SOX6: variants seen among roughly 807,000 people sequenced by gnomAD.
The protein encoded by SOX6 is SRY-box transcription factor 6.
SOX6 carries 11 observed loss-of-function variants against 97.8 expected under a neutral mutation model. That is an observed-to-expected ratio of 0.11 (90% CI 0.07 to 0.19). SOX6 has a LOEUF of 0.19. Among genes scored for constraint, SOX6 ranks in the 10% least tolerant of loss-of-function variants. The probability of loss-of-function intolerance (pLI) is 1.00; values close to 1 mark genes in which losing one functional copy is unlikely to be tolerated. For missense variants in SOX6, 810 were observed against 1,039.5 expected (o/e 0.78, Z 3.04); for synonymous variants, 360 against 371.4 (o/e 0.97, Z 0.35).
chr11:16,140,638 G>C (rs150369367), intron 6 of SOX6, among the ~76,000 whole-genome samples: 2 of 152,102 alleles, frequency 1.3e-5, no homozygotes, highest in Non-Finnish European at 2.9e-5. Flanking sequence ...AACTTTAAAG[G>C]TAAGCACAAA....
At chr11:16,017,480 A>T (rs16932450) in intron 12 of SOX6, among the ~76,000 whole-genome samples, 1 of 151,960 alleles carries the variant, frequency 6.6e-6, no homozygotes, top group African/African-American at 2.4e-5. Flanking sequence ...AAGCCATGCC[A>T]TTTCATATAA....
chr11:16,543,074 A>G lies in SOX6; in HGVS notation n.610-66686T>C, dbSNP rs555819611. Among the ~76,000 whole-genome samples the G allele has an allele frequency of 1.2e-4, 19 of 152,204 alleles. No individual in the cohort carries two copies. The South Asian group carries it at 2.5e-3, about 20-fold the overall frequency. ...CATGCTGCTATTAGAAAACTTAAAA[A>G]TTAATTAAGTAGTAACATTAATTGA... On this transcript the variant is annotated intron_variant and non_coding_transcript_variant, in intron 4 of 5. Transcript: ENST00000524520.
chr11:16,248,993 C>T (rs564427135), intron 3 of SOX6, among the ~76,000 whole-genome samples: 12 of 151,702 alleles, frequency 7.9e-5, no homozygotes, highest in Non-Finnish European at 1.6e-4. Context: ...CCCAGCTACT[C>T]GGGAAGCTGA....
chr11:16,336,304 C>G (rs12798854), intron 2 of SOX6, among the ~76,000 whole-genome samples: 26,148 of 152,064 alleles, frequency 0.17, 2,748 homozygotes, highest in Admixed American at 0.29. Context: ...TCACCTCGGC[C>G]CATTCTCTGG....
chr11:16,038,164 T>C (rs1855565591), intron 12 of SOX6, among the ~76,000 whole-genome samples: 1 of 152,204 alleles, frequency 6.6e-6, no homozygotes, highest in African/African-American at 2.4e-5. Context: ...GCCTAGGTTA[T>C]ATGCAAATAC....
intron 6 of SOX6, among the ~76,000 whole-genome samples, chr11:16,178,984 CAA>C (rs567293330): frequency 6.6e-6 from 1 of 151,718 alleles, no homozygotes; most frequent in East Asian, 1.9e-4. Context: ...AACATATCTC[CAA>C]TATATATCTA....
At chr11:16,124,239 T>C (rs1166043600) in intron 6 of SOX6, among the ~76,000 whole-genome samples, 4 of 152,150 alleles carry the variant, frequency 2.6e-5, no homozygotes, top group African/African-American at 7.2e-5. Context: ...TTGTAGGCAT[T>C]GGGAATACAG....
At chr11:16,599,502 A>G (rs1848245375) in intron 4 of SOX6, among the ~76,000 whole-genome samples, 1 of 152,202 alleles carries the variant, frequency 6.6e-6, no homozygotes, top group African/African-American at 2.4e-5. Flanking sequence ...AAATGGAAAG[A>G]GATAACTCTT....
intron 1 of SOX6, among the ~76,000 whole-genome samples, chr11:16,457,438 A>G (rs924675301): frequency 6.6e-5 from 10 of 152,092 alleles, no homozygotes; most frequent in African/African-American, 2.4e-4. Flanking sequence ...TCATCAGAAG[A>G]TAGAGAATGT....
intron 4 of SOX6, among the ~76,000 whole-genome samples, chr11:16,490,263 A>G (rs548284740): frequency 2.0e-5 from 3 of 152,186 alleles, no homozygotes; most frequent in South Asian, 4.1e-4. Context: ...AAGAACAGGT[A>G]GTGTGCCAGA....
intron 1 of SOX6, among the ~76,000 whole-genome samples, chr11:16,468,968 C>T (rs1860091693): frequency 6.6e-6 from 1 of 151,904 alleles, no homozygotes; most frequent in African/African-American, 2.4e-5. Context: ...TGCTTCATGA[C>T]TATCACTGAT....
chr11:16,317,246 C>A (rs1855779304), intron 3 of SOX6: 1 of 150,712 alleles, frequency 6.6e-6, no homozygotes, highest in Non-Finnish European at 1.5e-5. Flanking sequence ...TATAATATAT[C>A]AGTTATATAT....
At chr11:16,513,563 G>A (rs1860914362) in intron 4 of SOX6, among the ~76,000 whole-genome samples, 1 of 152,216 alleles carries the variant, frequency 6.6e-6, no homozygotes, top group Admixed American at 6.5e-5. Flanking sequence ...AACCCGGGAG[G>A]CGGAGGTTGC....
chr11:16,217,017 C>T (rs749155527), intron 4 of SOX6, among the ~76,000 whole-genome samples: 1 of 152,144 alleles, frequency 6.6e-6, no homozygotes, highest in Non-Finnish European at 1.5e-5. Flanking sequence ...CAAAAGAGCT[C>T]CTTTCAGTAA....
At chr11:16,518,765 T>C (rs1208776912) in intron 4 of SOX6, among the ~76,000 whole-genome samples, 5 of 152,316 alleles carry the variant, frequency 3.3e-5, no homozygotes, top group African/African-American at 1.2e-4. Context: ...CACTGGCAAC[T>C]ATTTTCAACA....
chr11:16,064,509 C>A (rs1430078653), intron 9 of SOX6, among the ~76,000 whole-genome samples: 1 of 144,882 alleles, frequency 6.9e-6, no homozygotes, highest in Admixed American at 6.8e-5. Context: ...CAAAACCAGA[C>A]AAAGCCATAC....
At chr11:16,067,342 A>G (rs1347925577) in intron 9 of SOX6, among the ~76,000 whole-genome samples, 1 of 152,088 alleles carries the variant, frequency 6.6e-6, no homozygotes, top group Non-Finnish European at 1.5e-5. Context: ...ACCCAGTGAG[A>G]GGTAATTGAA....
intron 4 of SOX6, among the ~76,000 whole-genome samples, chr11:16,516,311 T>C (rs935094060): frequency 2.0e-5 from 3 of 152,176 alleles, no homozygotes; most frequent in African/African-American, 7.2e-5. Flanking sequence ...TTTGAAGCAA[T>C]TGTGAATGGG....
intron 1 of SOX6, among the ~76,000 whole-genome samples, chr11:16,403,627 G>C (rs1234233746): frequency 6.6e-6 from 1 of 151,680 alleles, no homozygotes; most frequent in Non-Finnish European, 1.5e-5. Context: ...ATAAGAGACA[G>C]TCTTTTCTAA....
Sources: allele counts gnomAD v4.1 joint callset (sites outside exome capture counted in the v4.1 genomes callset), GRCh38; gene constraint gnomAD v4.1.1; transcripts MANE v1.5; gene names NCBI Gene and HGNC (gene_info 2026-07-23, HGNC 2026-07-21).